The following ACYP1 variants were observed in gnomAD, a reference collection of about 807,000 sequenced individuals.
ACYP1 encodes the protein acylphosphatase-1.
A neutral mutation model predicts 10.4 loss-of-function variants in ACYP1; 8 were observed. That is an observed-to-expected ratio of 0.77 (90% confidence interval 0.45 to 1.38). The LOEUF is 1.38. Ranked by LOEUF, ACYP1 falls within the 40% of genes most tolerant of loss-of-function variation. The pLI is 0.00. For missense variants in ACYP1, 93 were observed against 117.3 expected, an observed-to-expected ratio of 0.79 and a Z score of 0.96; for synonymous variants, 38 against 40.8, an observed-to-expected ratio of 0.93 and a Z score of 0.26.
intron 1 of ACYP1, chr14:75,069,151 G>T: frequency 6.8e-7 from 1 of 1,461,886 alleles, no homozygotes; most frequent in Non-Finnish European, 9.1e-7. Flanking sequence ...CAAAAACGTT[G>T]GCAGCAAGTT....
rs1356145723 is a variant in ACYP1 at position 75,055,125 on chromosome 14, C to T, written c.85-1466G>A. 2.1e-5 allele frequency among the ~76,000 whole-genome samples: 3 copies of T among 141,588 alleles called. No individual in the cohort carries two copies. The Admixed American group carries it at 2.1e-4, about 10-fold the overall frequency. 92.9% of individuals were successfully genotyped at this position (141,588 alleles called of 152,430 possible). On this transcript the variant is annotated intron_variant, in intron 2 of 2. Coordinates refer to ENST00000238618, the MANE Select transcript of ACYP1 (RefSeq NM_001107.5). ...TTTTTGAGACGGAGTCTCGCTCTGT[C>T]GCCCAGACTGGAGTGCAGTGGCGTG...
At chr14:75,066,362 T>C (rs1301667112), upstream of ACYP1, among the ~76,000 whole-genome samples, 1 of 122,064 alleles carries the variant, frequency 8.2e-6, no homozygotes, top group African/African-American at 3.1e-5. Context: ...TTTTTGCTTG[T>C]CAATTATATT....
upstream of ACYP1, among the ~76,000 whole-genome samples, chr14:75,068,398 G>T (rs577640640): frequency 6.6e-6 from 1 of 152,256 alleles, no homozygotes; most frequent in South Asian, 2.1e-4. Flanking sequence ...TCAATTCCCG[G>T]AGGGTACTGA....
At chr14:75,063,439 G>A (rs1199398221) in intron 2 of ACYP1, 31 bp downstream of exon 2, 1 of 1,589,850 alleles carries the variant, frequency 6.3e-7, no homozygotes, top group East Asian at 2.2e-5. Flanking sequence ...CACAACCTAG[G>A]TTACCACCCC....
intron 2 of ACYP1, among the ~76,000 whole-genome samples, chr14:75,056,129 C>T (rs537808454): frequency 1.3e-5 from 2 of 151,428 alleles, no homozygotes; most frequent in South Asian, 2.1e-4. Flanking sequence ...TAATCAAAAA[C>T]TTCCCACAGA....
exon 1 of ACYP1, chr14:75,069,436 C>A (rs952601164): frequency 6.2e-6 from 4 of 641,712 alleles, no homozygotes; most frequent in Non-Finnish European, 9.9e-6. Context: ...CCGCCCCTCC[C>A]CGGCTCCCCA....
chr14:75,053,689 A>G (rs1892805030), intron 2 of ACYP1, 30 bp from the exon 3 acceptor site: 1 of 1,597,018 alleles, frequency 6.3e-7, no homozygotes, highest in Admixed American at 1.7e-5. Flanking sequence ...AGAGAGATCC[A>G]GTGAGATTGA....
Position 75,069,270 on chromosome 14 carries a change from C to T in ACYP1, c.22G>A (p.Ala8Thr), listed in dbSNP as rs377067846. ...AAGGCCAGCAGCAGCCCCGCTCCCG[C>T]CAGGCGGGCGGACGCCGGCATCCTG... The change falls in exon 1 of 3, where the codon GCG becomes ACG. Residue 8 changes from alanine (A) to threonine (T), a missense_variant. By Grantham distance (58) the Ala-to-Thr change is moderately conservative. Transcript: ENST00000555463. 1.7e-4 allele frequency: 249 copies of T among 1,460,072 alleles called. 3 individuals carry two copies. The East Asian group carries it at 6.1e-3, about 36-fold the overall frequency. 90.4% of individuals were successfully genotyped at this position (1,460,072 alleles called of 1,614,324 possible).
chr14:75,064,454 C>T (rs1180974861), upstream of ACYP1: 1 of 152,278 alleles, frequency 6.6e-6, no homozygotes, highest in Non-Finnish European at 1.5e-5. Context: ...AAACAGCACA[C>T]ATTAAACATC....
intron 2 of ACYP1, chr14:75,061,782 G>A: frequency 6.5e-7 from 1 of 1,540,980 alleles, no homozygotes; most frequent in Non-Finnish European, 8.9e-7. Context: ...TGTCAGATGG[G>A]AAGAAATGAT....
chr14:75,053,770 AT>A, intron 2 of ACYP1, 111 bp from the exon 3 acceptor site: 1 of 948,638 alleles, frequency 1.1e-6, no homozygotes, highest in South Asian at 1.5e-5. Context: ...AACTAATTTG[AT>A]ATTGCCCAGA....
intron 2 of ACYP1, chr14:75,060,102 T>A (rs748174683): frequency 7.9e-6 from 4 of 504,774 alleles, no homozygotes; most frequent in Non-Finnish European, 1.4e-5. Flanking sequence ...ATAATTTCTA[T>A]GTTATATGTA....
At chr14:75,067,842 AAAG>A (rs974295057), upstream of ACYP1, among the ~76,000 whole-genome samples, 2 of 151,876 alleles carry the variant, frequency 1.3e-5, no homozygotes, top group African/African-American at 2.4e-5. Context: ...GAAAAAAAAA[AAAG>A]AAGTAAGCTG....
At chr14:75,061,080 C>CAAT (rs1025332859) in intron 2 of ACYP1, among the ~76,000 whole-genome samples, 1 of 151,218 alleles carries the variant, frequency 6.6e-6, no homozygotes, top group African/African-American at 2.4e-5. Context: ...TCTGTCTCAA[C>CAAT]AACAACAACA....
rs1275314414 is a variant in ACYP1, at chr14:75,063,940, C to T, written c.-9+14G>A. 8 of 1,000,620 alleles carry T rather than the reference C, an allele frequency of 8.0e-6. No individual in the cohort carries two copies. The highest frequency in any genetic ancestry group is 8.3e-6 in the Non-Finnish European group (7 of 838,518). 62.0% of individuals were successfully genotyped at this position (1,000,620 alleles called of 1,614,324 possible). ...GACCTGAGAAGCACACCCTGGGGGCCCCTGGCGGCTCACCCTCCTTGTCTT... is the reference window on the plus strand; with the variant it reads ...GACCTGAGAAGCACACCCTGGGGGCTCCTGGCGGCTCACCCTCCTTGTCTT... On this transcript the variant is annotated intron_variant, in intron 1 of 2. Transcript: ENST00000238618.
chr14:75,063,646 C>T, intron 1 of ACYP1, 85 bp from the exon 2 acceptor site: 1 of 1,091,400 alleles, frequency 9.2e-7, no homozygotes, highest in Non-Finnish European at 1.4e-6. Context: ...ACACCCACCC[C>T]TGTCCATCCT....
chr14:75,059,425 C>A (rs1339765453), intron 2 of ACYP1, among the ~76,000 whole-genome samples: 8 of 151,970 alleles, frequency 5.3e-5, no homozygotes, highest in Non-Finnish European at 8.8e-5. Context: ...ACTAAAAGTG[C>A]AAGCAAAAAA....
At chr14:75,063,448 C>A (rs1210540861) in intron 2 of ACYP1, 22 bp downstream of exon 2, 5 of 1,607,670 alleles carry the variant, frequency 3.1e-6, no homozygotes, top group Non-Finnish European at 4.3e-6. Flanking sequence ...GGTTACCACC[C>A]CAAAGCCTGC....
chr14:75,058,518 C>T (rs1892939771), intron 2 of ACYP1, among the ~76,000 whole-genome samples: 1 of 151,138 alleles, frequency 6.6e-6, no homozygotes, highest in Non-Finnish European at 1.5e-5. Flanking sequence ...ATTGACCCTC[C>T]CACCCCCCAG....
Sources: allele counts gnomAD v4.1 joint callset (sites outside exome capture counted in the v4.1 genomes callset), GRCh38; gene constraint gnomAD v4.1.1; transcripts MANE v1.5; gene names NCBI Gene and HGNC (gene_info 2026-07-23, HGNC 2026-07-21).